ADGRF3: variants seen among roughly 807,000 people sequenced by gnomAD.
ADGRF3 encodes G protein-coupled receptor 113.
A neutral mutation model predicts 93.2 loss-of-function variants in ADGRF3; 85 were observed. The observed-to-expected ratio is 0.91, with a 90% CI of 0.77 to 1.09. The LOEUF (loss-of-function observed/expected upper bound fraction) is 1.09, where lower values mean the gene tolerates loss of function less well. ADGRF3 is among the 50% of genes least tolerant of loss of function. The pLI is 0.00. For synonymous variants in ADGRF3, 534 were observed against 532.5 expected (o/e 1.00, Z -0.04); for missense variants, 1,125 against 1,246.2 (o/e 0.90, Z 1.46).
At position 26,346,170 on chromosome 2, in the gene ADGRF3, T is replaced by C. The variant is rs768073459; in HGVS notation, c.65A>G (p.Lys22Arg). 1 of 1,612,018 alleles carries C rather than the reference T, an allele frequency of 6.2e-7. No homozygotes were observed. Among genetic ancestry groups the C allele is most frequent in the Non-Finnish European group, 8.5e-7 (1 of 1,179,058 alleles). The change falls in exon 1 of 14, where the codon AAG (lysine) becomes AGG (arginine). Residue 22 changes from lysine (K) to arginine (R), a missense_variant. By Grantham distance (26) the Lys-to-Arg change is conservative. Coordinates refer to ENST00000651242, the MANE Select transcript of ADGRF3 (RefSeq NM_001321971.2). The part of the protein sequence containing the change: ...ATPGYKAVTH[K>R]HHTGWARMAK... ...CATCCTTGCCCAGCCGGTGTGGTGC[T>C]TGTGTGTCACAGCCTTGTAGCCGGG...
At chr2:26,338,517 C>T (rs976534781) in intron 1 of ADGRF3, among the ~76,000 whole-genome samples, 12 of 152,162 alleles carry the variant, frequency 7.9e-5, no homozygotes, top group Non-Finnish European at 1.3e-4. Flanking sequence ...GGCTGGAGTG[C>T]AATGGCACGA....
intron 4 of ADGRF3, 88 bp downstream of exon 4, chr2:26,316,178 ACCAGCTGGC>A: frequency 7.7e-7 from 1 of 1,295,458 alleles, no homozygotes; most frequent in Non-Finnish European, 1.1e-6. Context: ...CTGTGCTTGG[ACCAGCTGGC>A]CAAACTACAG....
rs766123061 is a variant in ADGRF3, at chr2:26,311,545, C to G, written c.1979G>C (p.Gly660Ala). 3.1e-6 allele frequency: 5 copies of G among 1,613,390 alleles called. No individual in the cohort carries two copies. The highest frequency in any genetic ancestry group is 2.7e-5 in the African/African-American group (2 of 74,890). The part of the protein sequence containing the change: ...WDHSLFQGRG[G>A]WSKEGCQAQV... ...TGCCTGGCACCCTTCTTTGGACCAA[C>G]CCCCCCTGCCCTGGAAGAGACTGTG... is the stretch of plus-strand genomic sequence containing the variant. The change falls in exon 10 of 14, where the codon GGT becomes GCT. Residue 660 changes from glycine to alanine, a missense_variant. Gly to Ala is a moderately conservative substitution (Grantham distance 60, BLOSUM62 0). Coordinates refer to ENST00000651242, the MANE Select transcript of ADGRF3 (RefSeq NM_001321971.2).
At position 26,308,374 on chromosome 2, in the gene ADGRF3, CAA is replaced by C. The variant is rs750587667; in HGVS notation, c.*710_*711del. On this transcript the variant is annotated 3_prime_UTR_variant, in exon 14 of 14. Transcript: ENST00000651242. ...AGCCAGATAGATATCTTGGTGTCTT[CAA>C]AAAGATTTTCTTCTAGTATTCATTT... 4 of 151,834 alleles carry C rather than the reference CAA, an allele frequency of 2.6e-5. No homozygotes were observed. The highest frequency in any genetic ancestry group is 2.6e-4 in the Admixed American group (4 of 15,256). 9.4% of individuals were successfully genotyped at this position (151,834 alleles called of 1,614,324 possible).
rs931287816 is a variant in ADGRF3 at position 26,346,375 on chromosome 2, C to T, written c.-141G>A. ...GCCCGCGCGGCGCGGTCCGTGTCAC[C>T]TTGTGCCGCGTGGCTCCGGGCGGGC... is the stretch of plus-strand genomic sequence containing the variant. On this transcript the variant is annotated 5_prime_UTR_variant, in exon 1 of 14. Transcript: ENST00000651242. 1.4e-6 allele frequency: 2 copies of T among 1,424,434 alleles called. No individual in the cohort carries two copies. Among genetic ancestry groups the T allele is most frequent in the African/African-American group, 1.5e-5 (1 of 67,712 alleles). The allele number at this position is 1,424,434 out of a possible 1,614,324, so 88.2% of individuals were successfully genotyped here.
rs139835841 is a variant in ADGRF3 at position 26,311,985 on chromosome 2, C to G, written c.1539G>C (p.Ser513=). ...GGGTCTCCACAGCCAGCAGGAGAGT[C>G]GAGCCTGCCCAGGGCTTCCGGGCTT... The part of the protein sequence containing the change: ...LAQARKPWAG[S]TLLLAVETLA... Residue 513 remains serine, a synonymous_variant, in exon 10 of 14, where the codon TCG becomes TCC. Coordinates refer to ENST00000651242, the MANE Select transcript of ADGRF3 (RefSeq NM_001321971.2). 1.2e-6 allele frequency: 2 copies of G among 1,613,512 alleles called. No homozygotes were observed. Among genetic ancestry groups the G allele is most frequent in the South Asian group, 2.2e-5 (2 of 91,068 alleles).
intron 1 of ADGRF3, among the ~76,000 whole-genome samples, chr2:26,322,725 G>A (rs1265408112): frequency 6.6e-6 from 1 of 152,088 alleles, no homozygotes; most frequent in African/African-American, 2.4e-5. Flanking sequence ...TCAATAAATG[G>A]AATACACCAA....
intron 1 of ADGRF3, among the ~76,000 whole-genome samples, chr2:26,323,312 A>T (rs985619916): frequency 1.3e-5 from 2 of 152,154 alleles, no homozygotes; most frequent in Non-Finnish European, 2.9e-5. Flanking sequence ...TCCAAAGTGA[A>T]CCACAAGGTG....
chr2:26,309,043 C>T lies in ADGRF3; in HGVS notation c.*43G>A, dbSNP rs981746436. ...AGGGCTCATCTGGTGGGTTCAAGCA[C>T]ACAGCCTCAACTCCCTTGCAGGAAC... On this transcript the variant is annotated 3_prime_UTR_variant, in exon 14 of 14. Transcript: ENST00000651242. 10 of 1,613,856 alleles carry T rather than the reference C, an allele frequency of 6.2e-6. No individual in the cohort carries two copies. In the Admixed American group the frequency reaches 1.5e-4, roughly 24 times the overall value.
chr2:26,308,994 G>T lies in ADGRF3; in HGVS notation c.*92C>A. 1.3e-6 allele frequency: 2 copies of T among 1,567,498 alleles called. No individual in the cohort carries two copies. The highest frequency in any genetic ancestry group is 1.1e-5 in the South Asian group (1 of 89,700). Reference sequence around the variant, plus strand: ...TCTCAAGGGCTGAGCTCCGGGAGGCGGGAAGAGTTCAGAGCATTGGGCCAG... The same window carrying T: ...TCTCAAGGGCTGAGCTCCGGGAGGCTGGAAGAGTTCAGAGCATTGGGCCAG... On this transcript the variant is annotated 3_prime_UTR_variant, in exon 14 of 14. Coordinates refer to ENST00000651242, the MANE Select transcript of ADGRF3 (RefSeq NM_001321971.2).
chr2:26,333,987 T>G (rs1179035117), intron 1 of ADGRF3, among the ~76,000 whole-genome samples: 1 of 14,426 alleles, frequency 6.9e-5, no homozygotes, highest in African/African-American at 1.2e-4. Flanking sequence ...GCCCAGCTAG[T>G]TTTTTTTTTT....
At chr2:26,338,795 T>C (rs567355495) in intron 1 of ADGRF3, among the ~76,000 whole-genome samples, 18 of 152,076 alleles carry the variant, frequency 1.2e-4, no homozygotes, top group Admixed American at 6.5e-4. Flanking sequence ...ATGTCCATCA[T>C]GGAATTTGTA....
At position 26,308,729 on chromosome 2, in the gene ADGRF3, A is replaced by G. The variant is rs1478302419; in HGVS notation, c.*357T>C. On this transcript the variant is annotated 3_prime_UTR_variant, in exon 14 of 14. Transcript: ENST00000651242. ...ATCGCTGAATAGGTCAATTAAAACC[A>G]TTTTTATCAAATATATTCATTCACA... The G allele has an allele frequency of 4.3e-6, 1 of 230,632 alleles. No individual in the cohort carries two copies. Among genetic ancestry groups the G allele is most frequent in the Non-Finnish European group, 8.4e-6 (1 of 119,328 alleles). The allele number at this position is 230,632 out of a possible 1,614,324, so 14.3% of individuals were successfully genotyped here.
intron 1 of ADGRF3, among the ~76,000 whole-genome samples, chr2:26,343,396 T>C (rs1037726977): frequency 6.6e-6 from 1 of 152,154 alleles, no homozygotes; most frequent in East Asian, 1.9e-4. Context: ...TAGTACCTAA[T>C]AGGTTCTAAT....
rs1388356718 is a variant in ADGRF3 at position 26,346,337 on chromosome 2, A to G, written c.-103T>C. 1.3e-6 allele frequency: 2 copies of G among 1,573,254 alleles called. No homozygotes were observed. Among genetic ancestry groups the G allele is most frequent in the Middle Eastern group, 1.9e-4 (1 of 5,404 alleles). On this transcript the variant is annotated 5_prime_UTR_variant, in exon 1 of 14. Transcript: ENST00000651242. ...CCTCTCCCTGCTCCCGGCCTCGCCC[A>G]GGCGGCTGAGGGGCCCGCGCGGCGC...
At chr2:26,313,736 C>A (rs768852807) in intron 7 of ADGRF3, 24 bp downstream of exon 7, 1 of 1,612,748 alleles carries the variant, frequency 6.2e-7, no homozygotes. Flanking sequence ...GGGACCAGCC[C>A]ACTGGGCCCC....
In ADGRF3 at chr2:26,317,521, G is replaced by A. The variant is rs1162512140; in HGVS notation, c.156C>T (p.Leu52=). The A allele has an allele frequency of 3.8e-6, 6 of 1,589,898 alleles. No homozygotes were observed. The highest frequency in any genetic ancestry group is 1.8e-5 in the Admixed American group (1 of 56,804). Reference sequence around the variant, plus strand: ...CCCCTGCTCCATTCTCTTGGTCCAGGAGCTGCCCAGATCCAGATTCCCCTC... The same window carrying A: ...CCCCTGCTCCATTCTCTTGGTCCAGAAGCTGCCCAGATCCAGATTCCCCTC... The part of the protein sequence containing the change: ...QAGGESGSGQ[L]LDQENGAGES... The change falls in exon 2 of 14, where the codon CTC becomes CTT. Residue 52 remains leucine, a synonymous_variant. Transcript: ENST00000651242.
chr2:26,322,360 C>T (rs1461688007), intron 1 of ADGRF3, among the ~76,000 whole-genome samples: 5 of 151,888 alleles, frequency 3.3e-5, no homozygotes, highest in Non-Finnish European at 4.4e-5. Context: ...CGTATTCCAC[C>T]CCCAAAACAT....
At position 26,311,205 on chromosome 2, in the gene ADGRF3, G is replaced by A. The variant is rs138298215; in HGVS notation, c.2319C>T (p.Cys773=). 1 of 1,602,536 alleles carries A rather than the reference G, an allele frequency of 6.2e-7. No individual in the cohort carries two copies. Among genetic ancestry groups the A allele is most frequent in the Non-Finnish European group, 8.5e-7 (1 of 1,174,798 alleles). Residue 773 remains cysteine, a synonymous_variant, in exon 10 of 14, where the codon TGC becomes TGT. Transcript: ENST00000651242. ...AATGACAGAGGAAGGCGGCAGCAAG[G>A]CAGAGCGGGCTTCGGGGCCCTGGAG... ...FLSPGPRSPL[C]LAAAFLCHFL...
Sources: allele counts gnomAD v4.1 joint callset (sites outside exome capture counted in the v4.1 genomes callset), GRCh38; gene constraint gnomAD v4.1.1; transcripts MANE v1.5; gene names NCBI Gene and HGNC (gene_info 2026-07-23, HGNC 2026-07-21).